Variants in BSDC1 observed in about 807,000 individuals in gnomAD.
BSDC1 encodes the protein BSD domain containing 1, also known as BSD domain-containing protein 1.
A neutral mutation model predicts 56.0 loss-of-function variants in BSDC1; 29 were observed. The observed-to-expected ratio is 0.52, with a 90% CI of 0.39 to 0.71. BSDC1 has a LOEUF of 0.71. BSDC1 is among the 30% of genes least tolerant of loss of function. BSDC1 has a pLI of 0.00. For synonymous variants in BSDC1, 210 were observed against 215.3 expected, an observed-to-expected ratio of 0.98 and a Z score of 0.21; for missense variants, 477 against 548.5, an observed-to-expected ratio of 0.87 and a Z score of 1.30.
chr1:32,391,070 G>A (rs1346772627), intron 2 of BSDC1, among the ~76,000 whole-genome samples: 1 of 151,958 alleles, frequency 6.6e-6, no homozygotes. Context: ...GCAAGCAGAG[G>A]AAGAGGAACT....
intron 9 of BSDC1, among the ~76,000 whole-genome samples, chr1:32,370,522 C>T (rs935350257): frequency 3.3e-5 from 5 of 151,734 alleles, no homozygotes; most frequent in Admixed American, 1.3e-4. Flanking sequence ...CTAGCCATGT[C>T]GCCGGGCGTG....
At chr1:32,373,029 G>A (rs1642148673) in intron 9 of BSDC1, among the ~76,000 whole-genome samples, 1 of 152,226 alleles carries the variant, frequency 6.6e-6, no homozygotes, top group Admixed American at 6.5e-5. Context: ...CTGGGAACCA[G>A]TAAAACCCTT....
chr1:32,365,999 G>C lies in BSDC1; in HGVS notation c.*623C>G, dbSNP rs1274736696. On this transcript the variant is annotated 3_prime_UTR_variant, in exon 11 of 11. Coordinates refer to ENST00000455895, the MANE Select transcript of BSDC1 (RefSeq NM_018045.8). ...CAGACCAGCGTGGGCTGGAGGAAAG[G>C]AAGGAGGTGGGTCAGGGTTTGGTCT... 1 of 160,484 alleles carries C rather than the reference G, an allele frequency of 6.2e-6. No homozygotes were observed. Among genetic ancestry groups the C allele is most frequent in the African/African-American group, 2.4e-5 (1 of 41,564 alleles). The allele number at this position is 160,484 out of a possible 1,614,324, so 9.9% of individuals were successfully genotyped here.
At position 32,376,290 on chromosome 1, in the gene BSDC1, C is replaced by T; in HGVS notation, c.1128G>A (p.Lys376=). Residue 376 remains lysine (K), a synonymous_variant, in exon 9 of 11, where the codon AAG becomes AAA. Transcript: ENST00000455895. ...TCTTTCCATTGTTGGAGGGTGTAGA[C>T]TTCCCACTATCCGAGTTCAGCTCAA... ...RVFELNSDSG[K]STPSNNGKKG... is the part of the protein sequence containing the mutation. 6.4e-7 allele frequency: 1 copy of T among 1,562,410 alleles called. No individual in the cohort carries two copies. Among genetic ancestry groups the T allele is most frequent in the South Asian group, 1.2e-5 (1 of 85,212 alleles).
chr1:32,391,865 T>A (rs1224152060), intron 2 of BSDC1, among the ~76,000 whole-genome samples: 1 of 152,212 alleles, frequency 6.6e-6, no homozygotes, highest in Non-Finnish European at 1.5e-5. Flanking sequence ...GGTTTTCCCA[T>A]CAGCCTCAGC....
chr1:32,375,402 T>G (rs1642244540), intron 9 of BSDC1, among the ~76,000 whole-genome samples: 1 of 146,822 alleles, frequency 6.8e-6, no homozygotes, highest in Non-Finnish European at 1.5e-5. Flanking sequence ...CAGGAGGATG[T>G]GTGTGTGAAG....
rs534002148 is a variant in BSDC1, at chr1:32,376,453, T to C, written c.965A>G (p.Asp322Gly). 24 of 1,612,946 alleles carry C rather than the reference T, an allele frequency of 1.5e-5. No individual in the cohort carries two copies. Among genetic ancestry groups the C allele is most frequent in the African/African-American group, 1.5e-4 (11 of 75,046 alleles). ...GGGTGAGGGTCCAGTCTCACCCACA[T>C]CCACAGCCAGGCCCTGTTCCTCCAA... ...ASLEEQGLAV[D>G]VGETGPSPPI... Residue 322 changes from aspartate to glycine, a missense_variant, in exon 9 of 11, where the codon GAT becomes GGT. Coordinates refer to ENST00000455895, the MANE Select transcript of BSDC1 (RefSeq NM_018045.8).
At chr1:32,370,038 C>G (rs1280957482) in intron 9 of BSDC1, among the ~76,000 whole-genome samples, 1 of 152,212 alleles carries the variant, frequency 6.6e-6, no homozygotes, top group Non-Finnish European at 1.5e-5. Context: ...AGTGCAGTGG[C>G]GCGATCCTAG....
At chr1:32,381,491 C>G (rs1357766508) in intron 4 of BSDC1, among the ~76,000 whole-genome samples, 1 of 152,174 alleles carries the variant, frequency 6.6e-6, no homozygotes, top group Non-Finnish European at 1.5e-5. Flanking sequence ...ACCCAGTATT[C>G]TACCCCAAGA....
At chr1:32,389,581 ACTAT>A (rs1332846594) in intron 2 of BSDC1, among the ~76,000 whole-genome samples, 9 of 152,296 alleles carry the variant, frequency 5.9e-5, no homozygotes, top group South Asian at 2.1e-4. Context: ...TAGCTGCTGT[ACTAT>A]GGGGAGGTTG....
rs568143457 is a variant in BSDC1, at chr1:32,368,767, C to T, written c.1157-217G>A. Among the ~76,000 whole-genome samples, 12 of 152,110 alleles carry T rather than the reference C, an allele frequency of 7.9e-5. No homozygotes were observed. In the South Asian group the frequency reaches 1.2e-3, roughly 16 times the overall value. ...AGGCTGGAGTGCAGTGGTGTGATCC[C>T]GGCCCACTGCAACCTCTGCTTCCCA... On this transcript the variant is annotated intron_variant, in intron 9 of 10. Transcript: ENST00000455895.
rs544441397 is a variant in BSDC1 at position 32,367,858 on chromosome 1, T to A, written c.1260+589A>T. On this transcript the variant is annotated intron_variant, in intron 10 of 10. Coordinates refer to ENST00000455895, the MANE Select transcript of BSDC1 (RefSeq NM_018045.8). ...CATTACAGCTTATAGCCAGGTCTTA[T>A]AATGATCAATTCCATGTTTTAGATG... The A allele has an allele frequency of 1.2e-5, 12 of 998,334 alleles. No individual in the cohort carries two copies. In the South Asian group the frequency reaches 4.5e-4, roughly 38 times the overall value. The allele number at this position is 998,334 out of a possible 1,614,324, so 61.8% of individuals were successfully genotyped here. A position where few individuals can be genotyped will look rare whatever the true frequency, so the allele number is the denominator to read the frequency against.
chr1:32,384,032 C>T (rs772805015), intron 3 of BSDC1, 35 bp from the exon 4 acceptor site: 9 of 1,612,488 alleles, frequency 5.6e-6, no homozygotes, highest in East Asian at 4.5e-5. Context: ...GCAAGCGCCC[C>T]GGGAACAGGC....
Position 32,376,623 on chromosome 1 carries a change from C to T in BSDC1, c.795G>A (p.Val265=), listed in dbSNP as rs1016559065. The stretch of plus-strand genomic sequence containing the variant: ...CCTCTGCTGGGGGCTCAACTGAAGT[C>T]ACCAGATTCTCTTCACAGGGGCTCT... ...GPQSPCEENL[V]TSVEPPAEVT... The change falls in exon 9 of 11, where the codon GTG becomes GTA. Residue 265 remains valine, a synonymous_variant. Coordinates refer to ENST00000455895, the MANE Select transcript of BSDC1 (RefSeq NM_018045.8). 2 of 1,452,162 alleles carry T rather than the reference C, an allele frequency of 1.4e-6. No homozygotes were observed. The highest frequency in any genetic ancestry group is 2.8e-5 in the African/African-American group (2 of 71,070). The allele number at this position is 1,452,162 out of a possible 1,614,324, so 90.0% of individuals were successfully genotyped here. A position where few individuals can be genotyped will look rare whatever the true frequency, so the allele number is the denominator to read the frequency against.
rs1317986443 is a variant in BSDC1 at position 32,383,863 on chromosome 1, C to T, written c.324G>A (p.Pro108=). The change falls in exon 4 of 11, where the codon CCG becomes CCA. Residue 108 remains proline, a synonymous_variant. Transcript: ENST00000455895. ...DCDVITLMGT[P]SGTAEPYDGT... Reference sequence around the variant, plus strand: ...CATCATAGGGCTCAGCTGTGCCAGACGGTGTGCCCATCAGGGTGATGACAT... The same window carrying T: ...CATCATAGGGCTCAGCTGTGCCAGATGGTGTGCCCATCAGGGTGATGACAT... 13 of 1,612,128 alleles carry T rather than the reference C, an allele frequency of 8.1e-6. No homozygotes were observed. Among genetic ancestry groups the T allele is most frequent in the African/African-American group, 1.3e-5 (1 of 74,842 alleles).
intron 2 of BSDC1, among the ~76,000 whole-genome samples, chr1:32,389,462 G>A (rs568700646): frequency 5.7e-4 from 87 of 152,338 alleles, no homozygotes; most frequent in Non-Finnish European, 7.8e-4. Flanking sequence ...CTTCCCGCTA[G>A]ACTGTGAGCT....
intron 2 of BSDC1, among the ~76,000 whole-genome samples, chr1:32,388,356 T>C (rs13374189): frequency 0.015 from 2,353 of 152,244 alleles, 64 homozygotes; most frequent in African/African-American, 0.054. Context: ...CATTTACTTA[T>C]TTACTTTTAT....
rs11540980 is a variant in BSDC1, at chr1:32,376,604, C to T, written c.814G>A (p.Ala272Thr). 2.7e-6 allele frequency: 4 copies of T among 1,483,796 alleles called. No individual in the cohort carries two copies. The highest frequency in any genetic ancestry group is 1.8e-6 in the Non-Finnish European group (2 of 1,105,960). The allele number at this position is 1,483,796 out of a possible 1,614,324, so 91.9% of individuals were successfully genotyped here. A position where few individuals can be genotyped will look rare whatever the true frequency, so the allele number is the denominator to read the frequency against. The change falls in exon 9 of 11, where the codon GCA becomes ACA. Residue 272 changes from alanine to threonine, a missense_variant. Physicochemically the swap from Ala to Thr is moderately conservative, Grantham distance 58 (BLOSUM62 0). Transcript: ENST00000455895. ...ENLVTSVEPP[A>T]EVTPSESSES... ...CTGCTCTCTGATGGAGTCACCTCTG[C>T]TGGGGGCTCAACTGAAGTCACCAGA... is the stretch of plus-strand genomic sequence containing the variant.
At chr1:32,371,740 C>A (rs984562160) in intron 9 of BSDC1, among the ~76,000 whole-genome samples, 1 of 152,100 alleles carries the variant, frequency 6.6e-6, no homozygotes, top group Non-Finnish European at 1.5e-5. Flanking sequence ...GAGACCTACC[C>A]CTCAGCCCCG....
Sources: allele counts gnomAD v4.1 joint callset (sites outside exome capture counted in the v4.1 genomes callset), GRCh38; gene constraint gnomAD v4.1.1; transcripts MANE v1.5; gene names NCBI Gene and HGNC (gene_info 2026-07-23, HGNC 2026-07-21).